The following CNTN5 variants were observed in gnomAD, a reference collection of about 807,000 sequenced individuals.
CNTN5 encodes the protein contactin-5.
A neutral mutation model predicts 129.1 loss-of-function variants in CNTN5; 77 were observed. That is an observed-to-expected ratio of 0.60 (90% CI 0.50 to 0.72). CNTN5 has a LOEUF of 0.72. Among genes scored for constraint, CNTN5 ranks in the 30% least tolerant of loss-of-function variants. The pLI, the probability that CNTN5 is intolerant of heterozygous loss-of-function variation, is 0.00. For missense variants in CNTN5, 1,478 were observed against 1,328.8 expected, an observed-to-expected ratio of 1.11 and a Z score of -1.75; for synonymous variants, 509 against 465.6, an observed-to-expected ratio of 1.09 and a Z score of -1.20.
intron 2 of CNTN5, among the ~76,000 whole-genome samples, chr11:99,539,650 C>G (rs900512995): frequency 5.3e-5 from 8 of 152,068 alleles, no homozygotes; most frequent in African/African-American, 1.9e-4. Flanking sequence ...GTATCAAACA[C>G]TATCACACAG....
intron 6 of CNTN5, among the ~76,000 whole-genome samples, chr11:99,896,398 C>A (rs539714030): frequency 1.3e-5 from 2 of 152,250 alleles, no homozygotes; most frequent in South Asian, 2.1e-4. Flanking sequence ...ATGCTGCTCC[C>A]AGATTGAGAG....
intron 1 of CNTN5, among the ~76,000 whole-genome samples, chr11:99,124,259 T>G (rs1219701594): frequency 6.6e-6 from 1 of 152,120 alleles, no homozygotes; most frequent in African/African-American, 2.4e-5. Context: ...TGGTTAGCTA[T>G]ATTCCTAGGC....
At chr11:99,764,146 A>T (rs1235431948) in intron 3 of CNTN5, among the ~76,000 whole-genome samples, 1 of 152,094 alleles carries the variant, frequency 6.6e-6, no homozygotes, top group Non-Finnish European at 1.5e-5. Context: ...AGACTATATG[A>T]GCAGAAAATT....
intron 6 of CNTN5, among the ~76,000 whole-genome samples, chr11:99,849,633 C>A (rs1020384930): frequency 2.0e-5 from 3 of 151,946 alleles, no homozygotes; most frequent in African/African-American, 7.2e-5. Context: ...ATTGCTAAAC[C>A]AGATAGTAAA....
intron 2 of CNTN5, among the ~76,000 whole-genome samples, chr11:99,477,472 T>C (rs927940940): frequency 6.6e-6 from 1 of 152,058 alleles, no homozygotes; most frequent in African/African-American, 2.4e-5. Context: ...GCTTTCACCA[T>C]ATTTTTAATT....
At chr11:99,927,760 A>C (rs187141343) in intron 7 of CNTN5, among the ~76,000 whole-genome samples, 11 of 152,266 alleles carry the variant, frequency 7.2e-5, no homozygotes, top group African/African-American at 2.6e-4. Flanking sequence ...GTATGGAGAC[A>C]CAGCCAAATC....
chr11:99,738,664 T>G, intron 3 of CNTN5, among the ~76,000 whole-genome samples: 1 of 148,272 alleles, frequency 6.7e-6, no homozygotes. Flanking sequence ...GAACCTGGAG[T>G]GTAGAAAGTG....
At chr11:99,081,765 A>G (rs146678949) in intron 1 of CNTN5, among the ~76,000 whole-genome samples, 1,606 of 152,306 alleles carry the variant, frequency 0.011, 26 homozygotes, top group South Asian at 0.072. Context: ...CATAGCATGT[A>G]GTGTAAAAAT....
At chr11:99,741,027 A>C (rs1943872743) in intron 3 of CNTN5, among the ~76,000 whole-genome samples, 1 of 152,174 alleles carries the variant, frequency 6.6e-6, no homozygotes, top group Non-Finnish European at 1.5e-5. Flanking sequence ...CATTTTCTAG[A>C]AACACTTTAG....
At chr11:99,969,350 T>C (rs902537594) in intron 8 of CNTN5, among the ~76,000 whole-genome samples, 2 of 152,178 alleles carry the variant, frequency 1.3e-5, no homozygotes, top group East Asian at 3.8e-4. Flanking sequence ...ATAACTGGCA[T>C]TGTAACTATG....
intron 1 of CNTN5, among the ~76,000 whole-genome samples, chr11:99,316,367 G>C (rs182700510): frequency 2.3e-4 from 35 of 152,266 alleles, no homozygotes; most frequent in African/African-American, 8.4e-4. Context: ...CAGATTTTTA[G>C]AGGGAAATGG....
intron 8 of CNTN5, among the ~76,000 whole-genome samples, chr11:99,996,327 A>G (rs1039493401): frequency 3.3e-5 from 5 of 152,170 alleles, no homozygotes; most frequent in Admixed American, 6.6e-5. Context: ...ACATCTCAGC[A>G]TAATGCAGCT....
intron 1 of CNTN5, among the ~76,000 whole-genome samples, chr11:99,267,920 G>A (rs201275288): frequency 2.2e-4 from 31 of 140,520 alleles, no homozygotes; most frequent in African/African-American, 5.7e-4. Context: ...ACACACACAC[G>A]CACACACACA....
At chr11:99,103,160 T>G (rs1050891270) in intron 1 of CNTN5, among the ~76,000 whole-genome samples, 2 of 152,168 alleles carry the variant, frequency 1.3e-5, no homozygotes, top group African/African-American at 4.8e-5. Flanking sequence ...TCTCCCATTA[T>G]CTCCCACAGG....
rs60798966 is a variant in CNTN5 at position 100,351,657 on chromosome 11, T to TAAAA, written c.3199+802_3199+805dup. On this transcript the variant is annotated intron_variant, in intron 24 of 24. Transcript: ENST00000524871. ...GAAAGCAACCATTTCGTAGAGATAGTAAAAAAAAAAAAAAAAAAGCAAAAA... is the reference window on the plus strand; with the variant it reads ...GAAAGCAACCATTTCGTAGAGATAGTAAAAAAAAAAAAAAAAAAAAAAGCAAAAA... 8.6e-3 allele frequency among the ~76,000 whole-genome samples: 890 copies of TAAAA among 103,540 alleles called. 6 individuals are homozygous for TAAAA. Among genetic ancestry groups the TAAAA allele is most frequent in the African/African-American group, 0.029 (846 of 29,402 alleles). The allele number at this position is 103,540 out of a possible 152,430, so 67.9% of individuals were successfully genotyped here. A position where few individuals can be genotyped will look rare whatever the true frequency, so the allele number is the denominator to read the frequency against.
At chr11:99,168,426 A>C (rs931230694) in intron 1 of CNTN5, among the ~76,000 whole-genome samples, 2 of 152,026 alleles carry the variant, frequency 1.3e-5, no homozygotes, top group African/African-American at 4.8e-5. Flanking sequence ...AAAAATACAA[A>C]AATATTAGCC....
intron 2 of CNTN5, among the ~76,000 whole-genome samples, chr11:99,542,863 T>C (rs1255995033): frequency 6.6e-6 from 1 of 152,220 alleles, no homozygotes; most frequent in Non-Finnish European, 1.5e-5. Flanking sequence ...ATCCTGGAGT[T>C]GCAAACAACT....
intron 2 of CNTN5, among the ~76,000 whole-genome samples, chr11:99,380,971 A>G (rs1306849666): frequency 1.3e-5 from 2 of 152,086 alleles, no homozygotes; most frequent in Non-Finnish European, 2.9e-5. Context: ...CGGATTTAAG[A>G]AGTACCAAAA....
At chr11:99,569,555 G>C (rs1005255093) in intron 3 of CNTN5, among the ~76,000 whole-genome samples, 2 of 152,014 alleles carry the variant, frequency 1.3e-5, no homozygotes, top group African/African-American at 4.8e-5. Context: ...CTTGTGGTCC[G>C]CCTGCCTCGG....
Sources: allele counts gnomAD v4.1 joint callset (sites outside exome capture counted in the v4.1 genomes callset), GRCh38; gene constraint gnomAD v4.1.1; transcripts MANE v1.5; gene names NCBI Gene and HGNC (gene_info 2026-07-23, HGNC 2026-07-21).